The following GAS2 variants were observed in gnomAD, a reference collection of about 807,000 sequenced individuals.
GAS2 encodes the protein growth arrest specific 2.
GAS2 carries 20 observed loss-of-function variants against 37.5 expected under a neutral mutation model. The ratio of observed to expected loss-of-function variants is 0.53; its 90% CI spans 0.37 to 0.77. The LOEUF is 0.77. GAS2 is among the 30% of genes least tolerant of loss of function. The probability of loss-of-function intolerance (pLI) is 0.00; values close to 1 mark genes in which losing one functional copy is unlikely to be tolerated. For synonymous variants in GAS2, 144 were observed against 132.2 expected (o/e 1.09, Z -0.61); for missense variants, 336 against 373.4 (o/e 0.90, Z 0.82).
intron 7 of GAS2, among the ~76,000 whole-genome samples, chr11:22,798,668 G>A (rs538610582): frequency 3.3e-5 from 5 of 152,166 alleles, no homozygotes; most frequent in African/African-American, 4.8e-5. Context: ...GTAATCGCAC[G>A]TAACTAGAGA....
intron 2 of GAS2, among the ~76,000 whole-genome samples, chr11:22,682,312 A>C (rs557267234): frequency 8.6e-5 from 13 of 151,980 alleles, no homozygotes; most frequent in Middle Eastern, 3.5e-3. Context: ...TCTTTTTATG[A>C]TTTATGTGTT....
At chr11:22,730,742 A>G (rs11822230) in intron 4 of GAS2, among the ~76,000 whole-genome samples, 2,206 of 151,902 alleles carry the variant, frequency 0.015, 35 homozygotes, top group African/African-American at 0.038. Context: ...TTTATAAGAA[A>G]TTAACTTTTA....
At chr11:22,725,735 G>A (rs1010634093) in intron 3 of GAS2, among the ~76,000 whole-genome samples, 9 of 152,048 alleles carry the variant, frequency 5.9e-5, no homozygotes, top group Admixed American at 1.3e-4. Context: ...ATGTTATCAT[G>A]ACATTATTTT....
intron 3 of GAS2, among the ~76,000 whole-genome samples, chr11:22,689,874 G>A (rs1035290934): frequency 6.6e-6 from 1 of 152,076 alleles, no homozygotes. Flanking sequence ...TTCTCATTTT[G>A]GCATTTTGGA....
In GAS2 at chr11:22,678,380, C is replaced by A. The variant is rs141445004; in HGVS notation, c.145+3366C>A. 4.0e-3 allele frequency among the ~76,000 whole-genome samples: 603 copies of A among 152,096 alleles called. 2 individuals are homozygous for A. The highest frequency in any genetic ancestry group is 0.024 in the Middle Eastern group (7 of 294). ...GAATTTTAAAATAATTTATTATTGG[C>A]TGTTTTGTCACTTCAGAAATATTTG... On this transcript the variant is annotated intron_variant, in intron 2 of 7. Coordinates refer to ENST00000454584, the MANE Select transcript of GAS2 (RefSeq NM_001143830.3).
In GAS2 at chr11:22,726,339, C is replaced by T. The variant is rs1192749853; in HGVS notation, c.315C>T (p.Gly105=). 6.2e-7 allele frequency: 1 copy of T among 1,612,580 alleles called. No homozygotes were observed. The highest frequency in any genetic ancestry group is 1.7e-5 in the Admixed American group (1 of 59,708). Residue 105 remains glycine, a synonymous_variant, in exon 4 of 8, where the codon GGC becomes GGT. Coordinates refer to ENST00000454584, the MANE Select transcript of GAS2 (RefSeq NM_001143830.3). ...CATGCAAAACCAGTGCACCCTCGGGCTCCTTTTTTGCCAGAGACAATACAG... is the reference window on the plus strand; with the variant it reads ...CATGCAAAACCAGTGCACCCTCGGGTTCCTTTTTTGCCAGAGACAATACAG... ...KIPCKTSAPS[G]SFFARDNTAN...
At chr11:22,737,250 A>AT (rs916423338) in intron 4 of GAS2, among the ~76,000 whole-genome samples, 1 of 151,846 alleles carries the variant, frequency 6.6e-6, no homozygotes, top group African/African-American at 2.4e-5. Context: ...TCCTTATTTC[A>AT]TTTTTTTTCC....
intron 5 of GAS2, among the ~76,000 whole-genome samples, chr11:22,742,460 C>T (rs772420314): frequency 3.9e-5 from 6 of 152,064 alleles, no homozygotes; most frequent in Non-Finnish European, 8.8e-5. Flanking sequence ...TGCAAGCCCC[C>T]AACCCAAAGG....
intron 7 of GAS2, among the ~76,000 whole-genome samples, chr11:22,786,054 C>G (rs916531026): frequency 2.0e-5 from 3 of 152,006 alleles, no homozygotes; most frequent in African/African-American, 4.8e-5. Flanking sequence ...CAAAGCAAAC[C>G]AAGCAGAGAA....
intron 5 of GAS2, among the ~76,000 whole-genome samples, chr11:22,740,268 T>G (rs1293199857): frequency 6.6e-6 from 1 of 152,184 alleles, no homozygotes; most frequent in Non-Finnish European, 1.5e-5. Context: ...TTTGTTCCAT[T>G]TCTGACCATG....
chr11:22,645,916 T>C lies in GAS2; in HGVS notation c.-21+20103T>C, dbSNP rs532309020. On this transcript the variant is annotated intron_variant, in intron 1 of 5. Transcript: ENST00000528582. ...TGGAGTGCAATGGCATGATCTCGGC[T>C]CACTGCAACCTCCGCCTCCCAAGTT... Among the ~76,000 whole-genome samples, 5 of 150,904 alleles carry C rather than the reference T, an allele frequency of 3.3e-5. No homozygotes were observed. The South Asian group carries it at 1.1e-3, about 32-fold the overall frequency.
chr11:22,652,232 G>A (rs566742554), intron 1 of GAS2, among the ~76,000 whole-genome samples: 2 of 152,302 alleles, frequency 1.3e-5, no homozygotes, highest in Admixed American at 6.5e-5. Flanking sequence ...TAGGCTGCTC[G>A]GGGGTCAGGG....
chr11:22,700,561 T>G (rs1016586472), intron 3 of GAS2, among the ~76,000 whole-genome samples: 1 of 152,172 alleles, frequency 6.6e-6, no homozygotes, highest in Non-Finnish European at 1.5e-5. Flanking sequence ...TTTAAACTAG[T>G]TAAGAAAAAG....
chr11:22,645,524 C>A (rs1848678641), intron 1 of GAS2, among the ~76,000 whole-genome samples: 1 of 151,918 alleles, frequency 6.6e-6, no homozygotes, highest in African/African-American at 2.4e-5. Context: ...TATATATACA[C>A]ACACACACAC....
intron 7 of GAS2, among the ~76,000 whole-genome samples, chr11:22,798,911 C>G (rs979068841): frequency 3.3e-5 from 5 of 152,008 alleles, no homozygotes; most frequent in African/African-American, 9.7e-5. Context: ...TGAGCATATG[C>G]CATTTCAGAA....
chr11:22,795,594 A>G (rs1425439869), intron 7 of GAS2, among the ~76,000 whole-genome samples: 1 of 152,180 alleles, frequency 6.6e-6, no homozygotes, highest in Non-Finnish European at 1.5e-5. Flanking sequence ...TGTTTGGGAA[A>G]TAGGGACACC....
intron 1 of GAS2, among the ~76,000 whole-genome samples, chr11:22,649,400 C>G (rs915852538): frequency 1.3e-5 from 2 of 151,546 alleles, no homozygotes; most frequent in Non-Finnish European, 1.5e-5. Context: ...TGTCTCTGCC[C>G]GGCTTTGGTA....
chr11:22,670,000 A>G (rs902411407), intron 1 of GAS2, among the ~76,000 whole-genome samples: 6 of 152,204 alleles, frequency 3.9e-5, no homozygotes, highest in Non-Finnish European at 8.8e-5. Flanking sequence ...ACTCACAATG[A>G]TGAAAGAGAT....
intron 3 of GAS2, among the ~76,000 whole-genome samples, chr11:22,712,830 A>G (rs543664293): frequency 6.6e-6 from 1 of 152,110 alleles, no homozygotes. Flanking sequence ...TAATTCCAGC[A>G]CTTTAGGAGG....
Sources: gnomAD v4.1 joint callset for allele counts (sites outside exome capture counted in the v4.1 genomes callset) on GRCh38, gnomAD v4.1.1 for gene constraint, MANE v1.5 for transcripts, NCBI Gene and HGNC (gene_info 2026-07-23, HGNC 2026-07-21) for gene names.